The following ANO10 variants were observed in gnomAD, a reference collection of about 807,000 sequenced individuals.
The protein encoded by ANO10 is anoctamin 10.
Under a neutral mutation model 74.7 loss-of-function variants are expected in ANO10, and 77 were observed. The observed-to-expected ratio is 1.03, with a 90% CI of 0.86 to 1.25. The LOEUF (loss-of-function observed/expected upper bound fraction) is 1.25, where lower values mean the gene tolerates loss of function less well. Ranked by LOEUF, ANO10 falls within the 50% of genes most tolerant of loss-of-function variation. The probability of loss-of-function intolerance (pLI) is 0.00; values close to 1 mark genes in which losing one functional copy is unlikely to be tolerated. For missense variants in ANO10, 721 were observed against 778.1 expected (o/e 0.93, Z 0.87); for synonymous variants, 279 against 284.9 (o/e 0.98, Z 0.21).
At chr3:43,472,517 C>T (rs775834076) in intron 11 of ANO10, 1 of 151,766 alleles carries the variant, frequency 6.6e-6, no homozygotes, top group Non-Finnish European at 1.5e-5. Flanking sequence ...CTCAGTTGAT[C>T]GTTCATGGTC....
At chr3:43,374,886 C>T (rs1049430656) in intron 12 of ANO10, among the ~76,000 whole-genome samples, 14 of 152,002 alleles carry the variant, frequency 9.2e-5, no homozygotes, top group Non-Finnish European at 1.5e-4. Context: ...TTTGGGAGGC[C>T]GAGGTGGACA....
chr3:43,605,626 A>G, intron 2 of ANO10, 88 bp downstream of exon 2: 1 of 1,497,862 alleles, frequency 6.7e-7, no homozygotes, highest in African/African-American at 1.4e-5. Context: ...TTGCAAATAC[A>G]TTTTTAGTGA....
chr3:43,656,844 C>T (rs544411719), intron 1 of ANO10, among the ~76,000 whole-genome samples: 18 of 152,358 alleles, frequency 1.2e-4, no homozygotes, highest in African/African-American at 1.9e-4. Context: ...GAGTGGGCTC[C>T]GGCCTTGGCC....
chr3:43,491,179 C>A (rs2149117434), intron 11 of ANO10, among the ~76,000 whole-genome samples: 1 of 152,228 alleles, frequency 6.6e-6, no homozygotes, highest in Non-Finnish European at 1.5e-5. Flanking sequence ...AGCGAAGAAT[C>A]AGAAGGAATC....
intron 11 of ANO10, among the ~76,000 whole-genome samples, chr3:43,487,562 T>C (rs1236237967): frequency 6.6e-6 from 1 of 152,130 alleles, no homozygotes; most frequent in Non-Finnish European, 1.5e-5. Context: ...AATTTATCCA[T>C]TTCTTCTAGA....
At chr3:43,632,315 G>A (rs1423253790) in intron 1 of ANO10, among the ~76,000 whole-genome samples, 1 of 152,174 alleles carries the variant, frequency 6.6e-6, no homozygotes, top group Non-Finnish European at 1.5e-5. Flanking sequence ...GTTAATGGGA[G>A]CACTGGCAGG....
At chr3:43,465,515 A>G (rs755603709) in intron 11 of ANO10, among the ~76,000 whole-genome samples, 4 of 152,158 alleles carry the variant, frequency 2.6e-5, no homozygotes, top group Non-Finnish European at 5.9e-5. Context: ...TTAGCCAGGT[A>G]TGGTGGCAGG....
chr3:43,424,258 C>T (rs2092864650), intron 12 of ANO10, among the ~76,000 whole-genome samples: 1 of 152,252 alleles, frequency 6.6e-6, no homozygotes, highest in African/African-American at 2.4e-5. Context: ...ATCTAACCAA[C>T]TCCATCTTGC....
At chr3:43,399,853 A>AT (rs1000831125) in intron 12 of ANO10, among the ~76,000 whole-genome samples, 1 of 152,140 alleles carries the variant, frequency 6.6e-6, no homozygotes, top group African/African-American at 2.4e-5. Context: ...GAAGTCCAGA[A>AT]TAACTTGGAG....
intron 1 of ANO10, among the ~76,000 whole-genome samples, chr3:43,656,897 G>A (rs2083861868): frequency 6.6e-6 from 1 of 152,264 alleles, no homozygotes; most frequent in Non-Finnish European, 1.5e-5. Context: ...GGGCTGAAGG[G>A]CTCCTCAAGT....
At chr3:43,497,906 A>G (rs1299870084) in intron 11 of ANO10, among the ~76,000 whole-genome samples, 1 of 152,230 alleles carries the variant, frequency 6.6e-6, no homozygotes, top group African/African-American at 2.4e-5. Context: ...GAGCTACTCT[A>G]AACATGGACT....
intron 11 of ANO10, among the ~76,000 whole-genome samples, chr3:43,521,656 G>A (rs761582675): frequency 6.6e-6 from 1 of 152,170 alleles, no homozygotes; most frequent in Non-Finnish European, 1.5e-5. Context: ...GTGTTGACGA[G>A]AATATGGAGA....
chr3:43,410,266 T>TTAGAGACA (rs986153146), intron 12 of ANO10, among the ~76,000 whole-genome samples: 4 of 152,232 alleles, frequency 2.6e-5, no homozygotes, highest in Admixed American at 2.6e-4. Flanking sequence ...TATTTATTTT[T>TTAGAGACA]TAGAGACAGA....
At chr3:43,552,573 T>C (rs954799856) in intron 10 of ANO10, among the ~76,000 whole-genome samples, 1 of 151,496 alleles carries the variant, frequency 6.6e-6, no homozygotes, top group African/African-American at 2.4e-5. Context: ...TCATAATTCC[T>C]TAGTTAAGAG....
intron 1 of ANO10, among the ~76,000 whole-genome samples, chr3:43,609,218 T>C (rs1038352845): frequency 1.3e-5 from 2 of 152,186 alleles, no homozygotes; most frequent in Non-Finnish European, 2.9e-5. Flanking sequence ...CTAGAGAAAA[T>C]AGAGTCATTA....
intron 11 of ANO10, among the ~76,000 whole-genome samples, chr3:43,512,250 C>G (rs2077537483): frequency 6.6e-6 from 1 of 152,190 alleles, no homozygotes; most frequent in Non-Finnish European, 1.5e-5. Context: ...GAGAACAACT[C>G]TAGGCACAGA....
At chr3:43,673,301 C>T (rs376281206) in intron 1 of ANO10, among the ~76,000 whole-genome samples, 1 of 152,158 alleles carries the variant, frequency 6.6e-6, no homozygotes. Flanking sequence ...GCCACAAGTG[C>T]AGACTAAACA....
chr3:43,654,539 G>C (rs148499533), intron 1 of ANO10, among the ~76,000 whole-genome samples: 13 of 152,294 alleles, frequency 8.5e-5, no homozygotes, highest in African/African-American at 3.1e-4. Context: ...TCTCATTAAA[G>C]AGCAAGCATT....
chr3:43,599,609 G>A (rs1300666749), intron 3 of ANO10, among the ~76,000 whole-genome samples: 1 of 152,080 alleles, frequency 6.6e-6, no homozygotes, highest in African/African-American at 2.4e-5. Context: ...TGTAGAGTTA[G>A]AAAATATAAT....
Sources: gnomAD v4.1 joint callset for allele counts (sites outside exome capture counted in the v4.1 genomes callset) on GRCh38, gnomAD v4.1.1 for gene constraint, MANE v1.5 for transcripts, NCBI Gene and HGNC (gene_info 2026-07-23, HGNC 2026-07-21) for gene names.